CHSY3: variants seen among roughly 807,000 people sequenced by gnomAD.
CHSY3 encodes the protein chondroitin sulfate synthase 3, also known as N-acetylgalactosaminyl-proteoglycan 3-beta-glucuronosyltransferase 3.
CHSY3 carries 35 observed loss-of-function variants against 67.2 expected under a neutral mutation model. The ratio of observed to expected loss-of-function variants is 0.52; its 90% CI spans 0.40 to 0.69. The LOEUF is 0.69. Among genes scored for constraint, CHSY3 ranks in the 30% least tolerant of loss-of-function variants. CHSY3 has a pLI of 0.00. For synonymous variants in CHSY3, 474 were observed against 434.7 expected, an observed-to-expected ratio of 1.09 and a Z score of -1.12; for missense variants, 1,069 against 1,138.5, an observed-to-expected ratio of 0.94 and a Z score of 0.88.
At chr5:130,171,826 G>A (rs1561569041) in intron 2 of CHSY3, among the ~76,000 whole-genome samples, 2 of 152,172 alleles carry the variant, frequency 1.3e-5, no homozygotes, top group Non-Finnish European at 2.9e-5. Flanking sequence ...ATCATACAGA[G>A]CATTAGTACA....
At chr5:129,982,699 T>C (rs187377729) in intron 2 of CHSY3, among the ~76,000 whole-genome samples, 15 of 152,190 alleles carry the variant, frequency 9.9e-5, no homozygotes, top group Admixed American at 6.5e-4. Context: ...TTAAAATTTA[T>C]GTTAATTTAA....
At chr5:130,066,409 G>A (rs1011939972) in intron 2 of CHSY3, among the ~76,000 whole-genome samples, 5 of 151,988 alleles carry the variant, frequency 3.3e-5, no homozygotes, top group African/African-American at 1.2e-4. Flanking sequence ...TGACTCTTCC[G>A]GAGGCTCACG....
chr5:130,030,431 T>G (rs1422403975), intron 2 of CHSY3, among the ~76,000 whole-genome samples: 1 of 152,158 alleles, frequency 6.6e-6, no homozygotes, highest in Non-Finnish European at 1.5e-5. Context: ...TCAAGTAAAC[T>G]TACTTTTATT....
intron 2 of CHSY3, among the ~76,000 whole-genome samples, chr5:129,964,281 T>C (rs1693923603): frequency 1.3e-5 from 2 of 151,856 alleles, no homozygotes; most frequent in African/African-American, 4.8e-5. Flanking sequence ...TATACAAATA[T>C]GTGAGGAAGA....
At chr5:130,095,463 C>G (rs1421584805) in intron 2 of CHSY3, among the ~76,000 whole-genome samples, 1 of 151,994 alleles carries the variant, frequency 6.6e-6, no homozygotes, top group African/African-American at 2.4e-5. Context: ...AGAGCTTGAG[C>G]AATAAAAAGA....
intron 2 of CHSY3, among the ~76,000 whole-genome samples, chr5:130,014,398 C>T (rs937440969): frequency 3.9e-5 from 6 of 152,184 alleles, no homozygotes; most frequent in Admixed American, 3.3e-4. Context: ...GTTTAATTGA[C>T]TCACAGTTTC....
intron 1 of CHSY3, chr5:129,905,885 C>G: frequency 2.6e-6 from 2 of 770,320 alleles, no homozygotes; most frequent in Non-Finnish European, 1.9e-6. Flanking sequence ...TTTTCGGTGC[C>G]GCCTCGCGCT....
chr5:130,064,040 T>C (rs189632844), intron 2 of CHSY3, among the ~76,000 whole-genome samples: 25 of 152,240 alleles, frequency 1.6e-4, no homozygotes, highest in Admixed American at 8.5e-4. Flanking sequence ...GAATTACTCA[T>C]ATGGACTAAG....
At chr5:130,094,404 T>C (rs1275839576) in intron 2 of CHSY3, among the ~76,000 whole-genome samples, 4 of 152,220 alleles carry the variant, frequency 2.6e-5, no homozygotes, top group Non-Finnish European at 5.9e-5. Flanking sequence ...GTTGGACTTT[T>C]TCTGTGTACT....
rs757694920 is a variant in CHSY3 at position 130,185,827 on chromosome 5, A to C, written c.*36A>C. 1 of 1,327,366 alleles carries C rather than the reference A, an allele frequency of 7.5e-7. No homozygotes were observed. The highest frequency in any genetic ancestry group is 1.0e-6 in the Non-Finnish European group (1 of 979,894). The allele number at this position is 1,327,366 out of a possible 1,614,324, so 82.2% of individuals were successfully genotyped here. Reference sequence around the variant, plus strand: ...AACACATTTTGCCTTTTTTAAGGGGAGTTTACCTCATTGTTGGTTGTTGTT... The same window carrying C: ...AACACATTTTGCCTTTTTTAAGGGGCGTTTACCTCATTGTTGGTTGTTGTT... On this transcript the variant is annotated 3_prime_UTR_variant, in exon 3 of 3. Coordinates refer to ENST00000305031, the MANE Select transcript of CHSY3 (RefSeq NM_175856.5).
At chr5:129,943,635 T>C (rs971707458) in intron 2 of CHSY3, among the ~76,000 whole-genome samples, 1 of 152,188 alleles carries the variant, frequency 6.6e-6, no homozygotes. Context: ...ACGTATTTCG[T>C]ACATAAAATT....
intron 2 of CHSY3, among the ~76,000 whole-genome samples, chr5:130,132,153 T>C (rs1156402550): frequency 1.3e-5 from 2 of 152,182 alleles, no homozygotes; most frequent in African/African-American, 2.4e-5. Flanking sequence ...GTAAGCTCCA[T>C]AGAGGCATAG....
At chr5:130,150,457 A>G (rs1769204438) in intron 2 of CHSY3, among the ~76,000 whole-genome samples, 2 of 152,158 alleles carry the variant, frequency 1.3e-5, no homozygotes, top group Non-Finnish European at 2.9e-5. Context: ...CTTTAAAATG[A>G]AAAAATGTAA....
chr5:130,110,310 G>A (rs1767552581), intron 2 of CHSY3, among the ~76,000 whole-genome samples: 1 of 151,726 alleles, frequency 6.6e-6, no homozygotes, highest in African/African-American at 2.4e-5. Context: ...ACCATAAAGA[G>A]CTCTGTTTTA....
Position 130,042,060 on chromosome 5 carries a change from C to T in CHSY3, c.1086+133700C>T, listed in dbSNP as rs562207239. Among the ~76,000 whole-genome samples, 23 of 152,100 alleles carry T rather than the reference C, an allele frequency of 1.5e-4. No individual in the cohort carries two copies. In the South Asian group the frequency reaches 3.5e-3, roughly 23 times the overall value. On this transcript the variant is annotated intron_variant, in intron 2 of 2. Transcript: ENST00000305031. The stretch of plus-strand genomic sequence containing the variant: ...GACCAGCCTGGGCAACATATTAAGA[C>T]CTCATCTCTACAAAATCTGAAGAAA...
intron 2 of CHSY3, among the ~76,000 whole-genome samples, chr5:130,010,973 T>A (rs1336806403): frequency 6.6e-6 from 1 of 151,906 alleles, no homozygotes; most frequent in Admixed American, 6.6e-5. Flanking sequence ...CAAAATTGAA[T>A]CAGTAACAAA....
At chr5:129,910,979 ATTT>A (rs80188117) in intron 2 of CHSY3, among the ~76,000 whole-genome samples, 15 of 135,376 alleles carry the variant, frequency 1.1e-4, no homozygotes, top group East Asian at 2.1e-4. Flanking sequence ...AAATTTTAGG[ATTT>A]TTTTTTTTTT....
At chr5:129,961,269 A>G (rs1416824900) in intron 2 of CHSY3, among the ~76,000 whole-genome samples, 3 of 152,074 alleles carry the variant, frequency 2.0e-5, no homozygotes, top group African/African-American at 7.2e-5. Context: ...GGTATGTAAC[A>G]GTGATGAAAA....
At chr5:130,141,323 C>G (rs866123396) in intron 2 of CHSY3, 3 of 385,004 alleles carry the variant, frequency 7.8e-6, no homozygotes, top group Admixed American at 3.3e-5. Flanking sequence ...CTTTGACAAC[C>G]AGCGTGGTGT....
Sources: gnomAD v4.1 joint callset for allele counts (sites outside exome capture counted in the v4.1 genomes callset) on GRCh38, gnomAD v4.1.1 for gene constraint, MANE v1.5 for transcripts, NCBI Gene and HGNC (gene_info 2026-07-23, HGNC 2026-07-21) for gene names.